FBXL7: variants seen among roughly 807,000 people sequenced by gnomAD.
FBXL7 encodes F-box and leucine rich repeat protein 7, also known as F-box/LRR-repeat protein 7.
Under a neutral mutation model 38.3 loss-of-function variants are expected in FBXL7, and 12 were observed. That is an observed-to-expected ratio of 0.31 (90% confidence interval 0.20 to 0.51). The LOEUF is 0.51. Among genes scored for constraint, FBXL7 ranks in the 20% least tolerant of loss-of-function variants. The pLI, the probability that FBXL7 is intolerant of heterozygous loss-of-function variation, is 0.98. For synonymous variants in FBXL7, 297 were observed against 300.9 expected (o/e 0.99, Z 0.13); for missense variants, 567 against 676.4 (o/e 0.84, Z 1.79).
intron 2 of FBXL7, among the ~76,000 whole-genome samples, chr5:15,883,100 T>C (rs1740527776): frequency 6.6e-6 from 1 of 152,156 alleles, no homozygotes; most frequent in Admixed American, 6.5e-5. Context: ...ATTAAAATCA[T>C]CCTTTTCAAA....
intron 2 of FBXL7, among the ~76,000 whole-genome samples, chr5:15,784,590 G>T (rs1382992937): frequency 1.3e-5 from 2 of 152,020 alleles, no homozygotes; most frequent in African/African-American, 2.4e-5. Flanking sequence ...ATCCCTCATG[G>T]CTTGATGCTG....
chr5:15,924,746 C>A (rs1741837745), intron 2 of FBXL7, among the ~76,000 whole-genome samples: 1 of 151,858 alleles, frequency 6.6e-6, no homozygotes, highest in South Asian at 2.1e-4. Context: ...CGTGCCTCAC[C>A]CTCCTGAGTA....
At chr5:15,532,401 G>A (rs927485693) in intron 1 of FBXL7, among the ~76,000 whole-genome samples, 15 of 152,188 alleles carry the variant, frequency 9.9e-5, no homozygotes, top group African/African-American at 3.4e-4. Flanking sequence ...TCTTTCAACC[G>A]CATCTGTTAT....
intron 1 of FBXL7, among the ~76,000 whole-genome samples, chr5:15,543,665 A>C (rs1737819876): frequency 1.3e-5 from 2 of 152,214 alleles, no homozygotes; most frequent in South Asian, 4.1e-4. Context: ...GAATTTGACA[A>C]GTCAGGGTCT....
At chr5:15,650,302 C>T (rs1267646831) in intron 2 of FBXL7, among the ~76,000 whole-genome samples, 1 of 152,208 alleles carries the variant, frequency 6.6e-6, no homozygotes, top group Non-Finnish European at 1.5e-5. Context: ...ATTCAGTAGA[C>T]AGCAGCATTA....
intron 2 of FBXL7, among the ~76,000 whole-genome samples, chr5:15,912,109 C>T (rs1579594023): frequency 2.2e-5 from 1 of 44,692 alleles, no homozygotes; most frequent in South Asian, 8.0e-4. Context: ...CAATGGCGGG[C>T]GCCCCTCCCC....
rs544078800 is a variant in FBXL7 at position 15,632,186 on chromosome 5, A to C, written c.127+16114A>C. Among the ~76,000 whole-genome samples the C allele has an allele frequency of 3.9e-5, 6 of 152,326 alleles. No individual in the cohort carries two copies. The East Asian group carries it at 1.2e-3, about 29-fold the overall frequency. On this transcript the variant is annotated intron_variant, in intron 2 of 3. Transcript: ENST00000504595. ...GTATTGTTAATCATCAAATGGGGATATAATATGTTTTGTTTCTCAAACGTC... is the reference window on the plus strand; with the variant it reads ...GTATTGTTAATCATCAAATGGGGATCTAATATGTTTTGTTTCTCAAACGTC...
At position 15,763,496 on chromosome 5, in the gene FBXL7, G is replaced by C. The variant is rs74397369; in HGVS notation, c.127+147424G>C. On this transcript the variant is annotated intron_variant, in intron 2 of 3. Coordinates refer to ENST00000504595, the MANE Select transcript of FBXL7 (RefSeq NM_012304.5). ...AATTTTTGGCGAGTTCCAGGTTATT[G>C]GTCTTTTGTTGAGAGACTACATCGA... 4.1e-3 allele frequency among the ~76,000 whole-genome samples: 624 copies of C among 152,228 alleles called. 3 individuals are homozygous for C. The highest frequency in any genetic ancestry group is 0.017 in the Middle Eastern group (5 of 294).
At chr5:15,859,024 A>T (rs1739358977) in intron 2 of FBXL7, among the ~76,000 whole-genome samples, 1 of 152,122 alleles carries the variant, frequency 6.6e-6, no homozygotes, top group Admixed American at 6.6e-5. Context: ...TCCTCACATT[A>T]TTTAAAGTTA....
At chr5:15,704,665 G>A (rs767614864) in intron 2 of FBXL7, among the ~76,000 whole-genome samples, 3 of 152,136 alleles carry the variant, frequency 2.0e-5, no homozygotes, top group Non-Finnish European at 4.4e-5. Context: ...AAATACTATT[G>A]CAAACAAGGC....
chr5:15,853,762 G>A (rs1405618756), intron 2 of FBXL7, among the ~76,000 whole-genome samples: 1 of 152,138 alleles, frequency 6.6e-6, no homozygotes, highest in Non-Finnish European at 1.5e-5. Flanking sequence ...CTATGGGCAA[G>A]GGTAAGATCT....
intron 1 of FBXL7, among the ~76,000 whole-genome samples, chr5:15,562,238 G>A (rs2126438713): frequency 6.6e-6 from 1 of 152,144 alleles, no homozygotes; most frequent in Admixed American, 6.6e-5. Context: ...CAAAGCACAG[G>A]CAATAAAAGG....
chr5:15,838,760 C>T (rs971518057), intron 2 of FBXL7, among the ~76,000 whole-genome samples: 4 of 152,106 alleles, frequency 2.6e-5, no homozygotes, highest in Non-Finnish European at 5.9e-5. Flanking sequence ...TCCTTAACTA[C>T]CCATTCAAAA....
intron 2 of FBXL7, among the ~76,000 whole-genome samples, chr5:15,627,188 A>G (rs1357073874): frequency 6.6e-6 from 1 of 152,154 alleles, no homozygotes; most frequent in Admixed American, 6.5e-5. Context: ...AAGATCCACT[A>G]CTTCCAGAAC....
chr5:15,579,902 G>A (rs1739082193), intron 1 of FBXL7, among the ~76,000 whole-genome samples: 2 of 152,224 alleles, frequency 1.3e-5, no homozygotes, highest in Non-Finnish European at 2.9e-5. Context: ...TACATGGCAG[G>A]AGAAGCTTTC....
At chr5:15,634,028 G>A (rs1407323011) in intron 2 of FBXL7, among the ~76,000 whole-genome samples, 7 of 151,932 alleles carry the variant, frequency 4.6e-5, no homozygotes, top group African/African-American at 1.7e-4. Context: ...TGATCCACCT[G>A]CCTCAGCCTC....
intron 2 of FBXL7, among the ~76,000 whole-genome samples, chr5:15,742,950 A>C (rs574771515): frequency 2.7e-4 from 41 of 152,250 alleles, no homozygotes; most frequent in Non-Finnish European, 4.3e-4. Flanking sequence ...AAACCATCAG[A>C]TCTCATGAGA....
chr5:15,598,460 T>G (rs942327637), intron 1 of FBXL7, among the ~76,000 whole-genome samples: 1 of 152,212 alleles, frequency 6.6e-6, no homozygotes, highest in African/African-American at 2.4e-5. Flanking sequence ...AGCATAAAAT[T>G]GCTGCAGTTC....
At chr5:15,803,796 C>T (rs990052552) in intron 2 of FBXL7, among the ~76,000 whole-genome samples, 2 of 152,130 alleles carry the variant, frequency 1.3e-5, no homozygotes, top group Admixed American at 6.5e-5. Context: ...CAAACTTGCC[C>T]CTTTACCAGG....
Sources: gnomAD v4.1 joint callset for allele counts (sites outside exome capture counted in the v4.1 genomes callset) on GRCh38, gnomAD v4.1.1 for gene constraint, MANE v1.5 for transcripts, NCBI Gene and HGNC (gene_info 2026-07-23, HGNC 2026-07-21) for gene names.